SMIM20: variants seen among roughly 807,000 people sequenced by gnomAD.
The protein encoded by SMIM20 is mitochondrial translation regulation assembly intermediate of cytochrome c oxidase protein of 7 kDa.
A neutral mutation model predicts 8.7 loss-of-function variants in SMIM20; 3 were observed. The ratio of observed to expected loss-of-function variants is 0.34; its 90% CI spans 0.16 to 0.89. The LOEUF is 0.89. Ranked by LOEUF, SMIM20 falls within the 40% of genes least tolerant of loss-of-function variation. The probability of loss-of-function intolerance (pLI) is 0.49; values close to 1 mark genes in which losing one functional copy is unlikely to be tolerated. For missense variants in SMIM20, 85 were observed against 84.8 expected, an observed-to-expected ratio of 1.00 and a Z score of -0.01; for synonymous variants, 44 against 33.6, an observed-to-expected ratio of 1.31 and a Z score of -1.07.
At chr4:25,923,840 G>A (rs537187819) in intron 1 of SMIM20, among the ~76,000 whole-genome samples, 4 of 152,346 alleles carry the variant, frequency 2.6e-5, no homozygotes, top group African/African-American at 4.8e-5. Flanking sequence ...AATGAAATGC[G>A]CAGGCAGACT....
At chr4:25,918,433 A>G (rs1468243673) in intron 1 of SMIM20, among the ~76,000 whole-genome samples, 1 of 152,148 alleles carries the variant, frequency 6.6e-6, no homozygotes, top group Non-Finnish European at 1.5e-5. Flanking sequence ...TCTAATTATC[A>G]TTATATAAGA....
intron 1 of SMIM20, among the ~76,000 whole-genome samples, chr4:25,922,632 G>A (rs767813186): frequency 6.6e-5 from 10 of 152,094 alleles, no homozygotes; most frequent in Middle Eastern, 3.2e-3. Context: ...TCTCCTGACC[G>A]TCCTTCATAC....
chr4:25,915,870 T>A (rs1164910702), intron 1 of SMIM20, among the ~76,000 whole-genome samples: 6 of 79,618 alleles, frequency 7.5e-5, no homozygotes, highest in African/African-American at 1.4e-4. Flanking sequence ...GGGGGGGGGG[T>A]CGAGTGTTGC....
intron 1 of SMIM20, among the ~76,000 whole-genome samples, chr4:25,920,603 G>A (rs758891224): frequency 2.0e-5 from 3 of 152,198 alleles, no homozygotes; most frequent in Non-Finnish European, 2.9e-5. Flanking sequence ...AACAATAAAT[G>A]TAGTGTAGCC....
chr4:25,928,313 A>T lies in SMIM20; in HGVS notation c.110A>T (p.Lys37Met). Residue 37 changes from lysine to methionine, a missense_variant and splice_region_variant, in exon 2 of 3, where the codon AAG becomes ATG. Lys to Met is a moderately conservative substitution (Grantham distance 95). Transcript: ENST00000506197. ...FRPLMRLEEY[K>M]KEQAINRAGI... The stretch of plus-strand genomic sequence containing the variant: ...ATGATTTTTCTCTTATGTTTCTCAG[A>T]GAAGGAACAAGCTATAAATCGGGCT... 1 of 1,549,438 alleles carries T rather than the reference A, an allele frequency of 6.5e-7. No homozygotes were observed. Among genetic ancestry groups the T allele is most frequent in the Middle Eastern group, 1.7e-4 (1 of 5,986 alleles).
chr4:25,926,672 T>C (rs1255320426), intron 1 of SMIM20, among the ~76,000 whole-genome samples: 1 of 152,258 alleles, frequency 6.6e-6, no homozygotes, highest in African/African-American at 2.4e-5. Context: ...TGCTTGGCAG[T>C]CTGCCAGCTT....
intron 1 of SMIM20, among the ~76,000 whole-genome samples, chr4:25,925,921 C>G (rs191793059): frequency 6.6e-6 from 1 of 152,152 alleles, no homozygotes; most frequent in Non-Finnish European, 1.5e-5. Context: ...CCAGAGATAA[C>G]GTCCTCAATT....
chr4:25,921,092 A>G (rs1422056815), intron 1 of SMIM20, among the ~76,000 whole-genome samples: 1 of 152,192 alleles, frequency 6.6e-6, no homozygotes, highest in Non-Finnish European at 1.5e-5. Flanking sequence ...CATCACTCTG[A>G]TTGATTGTAT....
chr4:25,929,152 AG>A lies in SMIM20; in HGVS notation c.168del. The A allele has an allele frequency of 6.4e-7, 1 of 1,551,816 alleles. No individual in the cohort carries two copies. On this transcript the variant is annotated splice_acceptor_variant, in intron 2 of 2. Coordinates refer to ENST00000506197, the MANE Select transcript of SMIM20 (RefSeq NM_001145432.3). LOFTEE classifies it high-confidence loss of function. ...TGTTTTTGTTCCTGTTTCTTTCCAT[AG>A]GGTTAAAAGTGTGGTCTGATCCATT...
Position 25,929,230 on chromosome 4 carries a change from T to G in SMIM20, c.*39T>G, listed in dbSNP as rs188732255. 2.6e-6 allele frequency: 4 copies of G among 1,550,580 alleles called. No individual in the cohort carries two copies. In the Admixed American group the frequency reaches 7.8e-5, roughly 30 times the overall value. On this transcript the variant is annotated 3_prime_UTR_variant, in exon 3 of 3. Transcript: ENST00000506197. ...AGCTCTGATTAAGAAAGGAGATTTC[T>G]TCATGCTTTCGATTCTGCATGGGGT...
intron 1 of SMIM20, among the ~76,000 whole-genome samples, chr4:25,927,879 GCT>G (rs1210556875): frequency 1.3e-5 from 2 of 152,240 alleles, no homozygotes; most frequent in Non-Finnish European, 2.9e-5. Flanking sequence ...AGCATATTTA[GCT>G]CTGAGTCTAG....
intron 1 of SMIM20, among the ~76,000 whole-genome samples, chr4:25,915,871 C>A (rs1385701015): frequency 1.6e-5 from 2 of 125,566 alleles, no homozygotes; most frequent in South Asian, 2.5e-4. Context: ...GGGGGGGGGT[C>A]GAGTGTTGCT....
intron 1 of SMIM20, among the ~76,000 whole-genome samples, chr4:25,924,021 G>A (rs1188628895): frequency 2.0e-5 from 3 of 151,932 alleles, no homozygotes; most frequent in East Asian, 3.9e-4. Flanking sequence ...CTTCCCCTCC[G>A]TCCCTGGTTC....
chr4:25,921,591 G>A (rs1719203087), intron 1 of SMIM20, among the ~76,000 whole-genome samples: 1 of 152,210 alleles, frequency 6.6e-6, no homozygotes, highest in Non-Finnish European at 1.5e-5. Flanking sequence ...TAGCTGATGT[G>A]CTCTTTGAGA....
At chr4:25,917,367 A>G (rs1018316326) in intron 1 of SMIM20, among the ~76,000 whole-genome samples, 1 of 152,178 alleles carries the variant, frequency 6.6e-6, no homozygotes, top group Non-Finnish European at 1.5e-5. Flanking sequence ...GTGTGGAAAC[A>G]CCTACTATAG....
At chr4:25,919,717 C>A (rs142804141) in intron 1 of SMIM20, among the ~76,000 whole-genome samples, 1 of 152,012 alleles carries the variant, frequency 6.6e-6, no homozygotes, top group Non-Finnish European at 1.5e-5. Flanking sequence ...CTTCTCTTCC[C>A]GCTACTAGTT....
chr4:25,918,179 T>C (rs1385507142), intron 1 of SMIM20, among the ~76,000 whole-genome samples: 1 of 152,048 alleles, frequency 6.6e-6, no homozygotes, highest in African/African-American at 2.4e-5. Context: ...CCTGACCTCG[T>C]GATCCGCCTG....
intron 1 of SMIM20, among the ~76,000 whole-genome samples, chr4:25,927,767 A>G (rs1354194747): frequency 6.6e-6 from 1 of 152,226 alleles, no homozygotes. Flanking sequence ...ACAATGTGCT[A>G]ATTGGCGCAG....
rs1338093716 is a variant in SMIM20, at chr4:25,914,332, A to C, written c.19A>C (p.Thr7Pro). 1 of 1,550,534 alleles carries C rather than the reference A, an allele frequency of 6.4e-7. No individual in the cohort carries two copies. Among genetic ancestry groups the C allele is most frequent in the Admixed American group, 2.0e-5 (1 of 50,908 alleles). ...TGACGCCATGTCCCGGAACCTGCGCACCGCGCTCATTTTCGGCGGCTTCAT... is the reference window on the plus strand; with the variant it reads ...TGACGCCATGTCCCGGAACCTGCGCCCCGCGCTCATTTTCGGCGGCTTCAT... MSRNLR[T>P]ALIFGGFISL... The change falls in exon 1 of 3, where the codon ACC becomes CCC. Residue 7 changes from threonine (T) to proline (P), a missense_variant. By Grantham distance (38) the Thr-to-Pro change is conservative. Transcript: ENST00000506197.
Sources: allele counts gnomAD v4.1 joint callset (sites outside exome capture counted in the v4.1 genomes callset), GRCh38; gene constraint gnomAD v4.1.1; transcripts MANE v1.5; gene names NCBI Gene and HGNC (gene_info 2026-07-23, HGNC 2026-07-21).